MOB3B: variants seen among roughly 807,000 people sequenced by gnomAD.
MOB3B encodes MOB kinase activator 3B.
Under a neutral mutation model 18.7 loss-of-function variants are expected in MOB3B, and 7 were observed. The ratio of observed to expected loss-of-function variants is 0.37; its 90% CI spans 0.21 to 0.70. MOB3B has a LOEUF of 0.70. Ranked by LOEUF, MOB3B falls within the 30% of genes least tolerant of loss-of-function variation. MOB3B has a pLI of 0.52. For synonymous variants in MOB3B, 111 were observed against 99.9 expected (o/e 1.11, Z -0.66); for missense variants, 253 against 281.3 (o/e 0.90, Z 0.72).
chr9:27,388,179 C>A (rs538649042), intron 2 of MOB3B, among the ~76,000 whole-genome samples: 4 of 152,322 alleles, frequency 2.6e-5, no homozygotes, highest in African/African-American at 4.8e-5. Flanking sequence ...GGAGCTTCCA[C>A]TTTAGGTTGC....
intron 2 of MOB3B, among the ~76,000 whole-genome samples, chr9:27,417,549 T>C (rs897608834): frequency 6.6e-6 from 1 of 152,102 alleles, no homozygotes; most frequent in Non-Finnish European, 1.5e-5. Context: ...GCTCCAGGAA[T>C]CAACAATTCT....
intron 3 of MOB3B, among the ~76,000 whole-genome samples, chr9:27,346,559 C>T (rs1821033263): frequency 6.6e-6 from 1 of 152,030 alleles, no homozygotes; most frequent in African/African-American, 2.4e-5. Flanking sequence ...AAAAGTCTTC[C>T]CTATTATTAT....
intron 3 of MOB3B, among the ~76,000 whole-genome samples, chr9:27,358,293 G>C (rs1329241944): frequency 6.6e-6 from 1 of 152,184 alleles, no homozygotes; most frequent in African/African-American, 2.4e-5. Context: ...TGATCAAAGT[G>C]TCCACATTGA....
chr9:27,529,486 G>T, intron 1 of MOB3B, 69 bp downstream of exon 1: 4 of 947,990 alleles, frequency 4.2e-6, no homozygotes, highest in Non-Finnish European at 5.0e-6. Context: ...CGCCCGCCCG[G>T]GCGAGATCGG....
At chr9:27,386,581 G>T (rs1034006163) in intron 2 of MOB3B, among the ~76,000 whole-genome samples, 1 of 152,158 alleles carries the variant, frequency 6.6e-6, no homozygotes, top group Non-Finnish European at 1.5e-5. Flanking sequence ...AGATGGAAGC[G>T]CTTTTCAAAG....
chr9:27,336,744 G>A (rs1820869581), intron 3 of MOB3B, among the ~76,000 whole-genome samples: 1 of 152,010 alleles, frequency 6.6e-6, no homozygotes, highest in Non-Finnish European at 1.5e-5. Context: ...AAGGAAATTG[G>A]GCTCTCTAAT....
At chr9:27,522,037 TC>T (rs1408580696) in intron 1 of MOB3B, among the ~76,000 whole-genome samples, 3 of 151,328 alleles carry the variant, frequency 2.0e-5, no homozygotes. Context: ...GGTCAGGAGA[TC>T]GAGACCGTCG....
chr9:27,511,224 A>AG (rs911005795), intron 1 of MOB3B, among the ~76,000 whole-genome samples: 6 of 151,332 alleles, frequency 4.0e-5, no homozygotes, highest in South Asian at 2.1e-4. Flanking sequence ...GACAAAAAAA[A>AG]AAAGAAAGAA....
intron 1 of MOB3B, among the ~76,000 whole-genome samples, chr9:27,484,353 A>C (rs1246697470): frequency 6.6e-6 from 1 of 152,316 alleles, no homozygotes; most frequent in African/African-American, 2.4e-5. Context: ...GGGGTTGAGA[A>C]GGTGGGCTGT....
intron 2 of MOB3B, among the ~76,000 whole-genome samples, chr9:27,384,095 T>C (rs1821616816): frequency 6.6e-6 from 1 of 152,104 alleles, no homozygotes; most frequent in Non-Finnish European, 1.5e-5. Context: ...TTCTATATAA[T>C]AGAAACTTTG....
intron 2 of MOB3B, among the ~76,000 whole-genome samples, chr9:27,436,943 G>T (rs1398443568): frequency 2.1e-5 from 3 of 140,080 alleles, no homozygotes; most frequent in South Asian, 4.9e-4. Flanking sequence ...CAGACACAAG[G>T]AACAGAACGC....
chr9:27,473,192 T>C (rs1184527074), intron 1 of MOB3B, among the ~76,000 whole-genome samples: 5 of 152,238 alleles, frequency 3.3e-5, no homozygotes, highest in African/African-American at 4.8e-5. Flanking sequence ...CCACTACACT[T>C]GGATTCTCAT....
At chr9:27,330,671 T>C in intron 3 of MOB3B, 55 bp from the exon 4 acceptor site, 8 of 1,611,200 alleles carry the variant, frequency 5.0e-6, no homozygotes, top group Non-Finnish European at 6.8e-6. Flanking sequence ...GAGCAACGAT[T>C]TGGTGAAGGA....
chr9:27,331,916 A>G (rs994428878), intron 3 of MOB3B, among the ~76,000 whole-genome samples: 3 of 152,254 alleles, frequency 2.0e-5, no homozygotes, highest in Non-Finnish European at 4.4e-5. Flanking sequence ...AAGAAATAAC[A>G]ATAGACAAGG....
intron 1 of MOB3B, among the ~76,000 whole-genome samples, chr9:27,515,073 A>G (rs1201959889): frequency 2.0e-5 from 3 of 152,108 alleles, no homozygotes; most frequent in African/African-American, 7.2e-5. Flanking sequence ...TTAACAGATT[A>G]TATTATCTCT....
intron 2 of MOB3B, among the ~76,000 whole-genome samples, chr9:27,410,861 A>G (rs1158542782): frequency 1.3e-5 from 2 of 152,238 alleles, no homozygotes; most frequent in Admixed American, 1.3e-4. Flanking sequence ...TAGCTATATG[A>G]ATCACACTAC....
At position 27,525,027 on chromosome 9, in the gene MOB3B, T is replaced by TTC; in HGVS notation, c.-199+4527_-199+4528insGA. 4 of 1,300,370 alleles carry TTC rather than the reference T, an allele frequency of 3.1e-6. No homozygotes were observed. The South Asian group carries it at 6.0e-5, about 20-fold the overall frequency. The allele number at this position is 1,300,370 out of a possible 1,614,324, so 80.6% of individuals were successfully genotyped here. A position where few individuals can be genotyped will look rare whatever the true frequency, so the allele number is the denominator to read the frequency against. ...TCTTTCTCCTTCTCCTCCTCCAACTTCTTTTTAAGGATTGTTGTGCTGTCC... is the reference window on the plus strand; with the variant it reads ...TCTTTCTCCTTCTCCTCCTCCAACTTTCCTTTTTAAGGATTGTTGTGCTGTCC... On this transcript the variant is annotated intron_variant, in intron 1 of 3. Transcript: ENST00000262244.
At chr9:27,508,305 T>C (rs1820088988) in intron 1 of MOB3B, among the ~76,000 whole-genome samples, 2 of 152,136 alleles carry the variant, frequency 1.3e-5, no homozygotes. Context: ...AGATCTAAAC[T>C]GAAAAGGTTT....
intron 3 of MOB3B, among the ~76,000 whole-genome samples, chr9:27,352,092 T>C (rs1421300424): frequency 6.6e-6 from 1 of 151,910 alleles, no homozygotes; most frequent in African/African-American, 2.4e-5. Flanking sequence ...CTGCTGGAAA[T>C]AATAGTAACA....
Sources: allele counts gnomAD v4.1 joint callset (sites outside exome capture counted in the v4.1 genomes callset), GRCh38; gene constraint gnomAD v4.1.1; transcripts MANE v1.5; gene names NCBI Gene and HGNC (gene_info 2026-07-23, HGNC 2026-07-21).